Variants in RBFOX1 observed in about 807,000 individuals in gnomAD.
The protein encoded by RBFOX1 is RNA binding fox-1 homolog 1, also known as RNA binding protein fox-1 homolog 1.
Under a neutral mutation model 57.7 loss-of-function variants are expected in RBFOX1, and 8 were observed. The ratio of observed to expected loss-of-function variants is 0.14; its 90% confidence interval spans 0.08 to 0.25. The LOEUF is 0.25. Ranked by LOEUF, RBFOX1 falls within the 10% of genes least tolerant of loss-of-function variation. The probability of loss-of-function intolerance (pLI) is 1.00; values close to 1 mark genes in which losing one functional copy is unlikely to be tolerated. For synonymous variants in RBFOX1, 326 were observed against 222.4 expected, an observed-to-expected ratio of 1.47 and a Z score of -4.15; for missense variants, 611 against 548.5, an observed-to-expected ratio of 1.11 and a Z score of -1.14.
At chr16:6,637,325 AT>A (rs2098449816) in intron 2 of RBFOX1, among the ~76,000 whole-genome samples, 4 of 73,448 alleles carry the variant, frequency 5.4e-5, no homozygotes, top group Admixed American at 2.4e-4. Flanking sequence ...TATTATATAT[AT>A]TATATAATAT....
At chr16:5,626,868 G>T (rs1384340708) in intron 3 of RBFOX1, among the ~76,000 whole-genome samples, 1 of 151,672 alleles carries the variant, frequency 6.6e-6, no homozygotes, top group Non-Finnish European at 1.5e-5. Flanking sequence ...TTTTCTATAA[G>T]AAAGAATTTT....
chr16:7,187,230 A>T (rs1445387022), intron 4 of RBFOX1, among the ~76,000 whole-genome samples: 1 of 152,096 alleles, frequency 6.6e-6, no homozygotes, highest in Admixed American at 6.6e-5. Flanking sequence ...TACTGAAATC[A>T]TATGTAAGAA....
intron 3 of RBFOX1, among the ~76,000 whole-genome samples, chr16:5,625,815 C>A (rs997233147): frequency 7.2e-5 from 11 of 152,150 alleles, no homozygotes; most frequent in Middle Eastern, 3.2e-3. Flanking sequence ...GCCTCAGCCT[C>A]CCAAAGTACT....
At chr16:6,602,531 T>A (rs989716083) in intron 2 of RBFOX1, among the ~76,000 whole-genome samples, 1 of 152,114 alleles carries the variant, frequency 6.6e-6, no homozygotes, top group Non-Finnish European at 1.5e-5. Flanking sequence ...GAGGTCTTGA[T>A]GTTCTTACAG....
intron 2 of RBFOX1, among the ~76,000 whole-genome samples, chr16:5,584,333 G>A (rs966485810): frequency 2.6e-5 from 4 of 152,178 alleles, no homozygotes; most frequent in African/African-American, 9.7e-5. Context: ...GCTGTGTTCA[G>A]CATCTTGAGC....
intron 3 of RBFOX1, among the ~76,000 whole-genome samples, chr16:6,906,508 A>G (rs868254601): frequency 1.3e-5 from 2 of 152,164 alleles, no homozygotes; most frequent in East Asian, 3.8e-4. Flanking sequence ...AAGTGAGTTT[A>G]TATAACCGCA....
intron 4 of RBFOX1, among the ~76,000 whole-genome samples, chr16:5,895,295 C>A (rs1018182565): frequency 6.6e-6 from 1 of 152,138 alleles, no homozygotes; most frequent in African/African-American, 2.4e-5. Flanking sequence ...TTAATACAAG[C>A]TTAGAACTTG....
intron 5 of RBFOX1, among the ~76,000 whole-genome samples, chr16:7,551,088 C>CAAAAAAAAAAAAAAAA: frequency 1.3e-5 from 1 of 76,738 alleles, no homozygotes; most frequent in Non-Finnish European, 2.6e-5. Flanking sequence ...GAGCGAGACT[C>CAAAAAAAAAAAAAAAA]AAAAAAAAAA....
chr16:7,086,723 C>CACACACACACACACACACAG (rs2060045270), intron 4 of RBFOX1, among the ~76,000 whole-genome samples: 2 of 151,630 alleles, frequency 1.3e-5, no homozygotes, highest in South Asian at 2.1e-4. Flanking sequence ...AGAATGTATA[C>CACACACACACACACACACAG]ACACACACAC....
chr16:6,431,430 C>G (rs372159301), intron 2 of RBFOX1, among the ~76,000 whole-genome samples: 1 of 152,016 alleles, frequency 6.6e-6, no homozygotes, highest in East Asian at 1.9e-4. Flanking sequence ...CAGTGACGGT[C>G]CAGCCCACTA....
intron 2 of RBFOX1, among the ~76,000 whole-genome samples, chr16:5,577,125 A>G (rs776223303): frequency 6.6e-6 from 1 of 152,242 alleles, no homozygotes; most frequent in Non-Finnish European, 1.5e-5. Context: ...TTAATGGACT[A>G]TCCCTCGGAG....
intron 3 of RBFOX1, among the ~76,000 whole-genome samples, chr16:6,894,726 G>T (rs947118615): frequency 6.6e-5 from 10 of 152,200 alleles, no homozygotes; most frequent in African/African-American, 2.4e-4. Flanking sequence ...TTGTAAAAAG[G>T]TTACCAACAG....
intron 2 of RBFOX1, among the ~76,000 whole-genome samples, chr16:6,433,886 T>C (rs2094165355): frequency 6.7e-6 from 1 of 150,080 alleles, no homozygotes; most frequent in South Asian, 2.1e-4. Flanking sequence ...CTCACTCTGT[T>C]TCCCATACTG....
At chr16:5,332,508 C>A (rs954484822) in intron 1 of RBFOX1, among the ~76,000 whole-genome samples, 5 of 152,090 alleles carry the variant, frequency 3.3e-5, no homozygotes, top group Non-Finnish European at 7.4e-5. Flanking sequence ...ATGTGATCTG[C>A]CTACCTCGGC....
intron 4 of RBFOX1, among the ~76,000 whole-genome samples, chr16:5,930,326 G>A (rs928814605): frequency 7.2e-6 from 1 of 139,460 alleles, no homozygotes; most frequent in Admixed American, 7.3e-5. Flanking sequence ...TGGATGGATG[G>A]ATGGGAGGTG....
chr16:7,104,847 A>G (rs761791375), intron 4 of RBFOX1, among the ~76,000 whole-genome samples: 19 of 152,104 alleles, frequency 1.2e-4, no homozygotes, highest in Non-Finnish European at 2.5e-4. Flanking sequence ...TCAAGGGAGA[A>G]CTCACTGGTG....
chr16:7,193,642 G>T (rs964103463), intron 4 of RBFOX1, among the ~76,000 whole-genome samples: 1 of 152,172 alleles, frequency 6.6e-6, no homozygotes, highest in African/African-American at 2.4e-5. Context: ...TATAACTGAG[G>T]ATACTGCAAC....
chr16:7,456,298 G>T (rs1202395193), intron 4 of RBFOX1, among the ~76,000 whole-genome samples: 1 of 152,158 alleles, frequency 6.6e-6, no homozygotes, highest in Non-Finnish European at 1.5e-5. Flanking sequence ...GAAGGTACCT[G>T]GTTCATTCTT....
intron 4 of RBFOX1, among the ~76,000 whole-genome samples, chr16:7,213,862 A>T (rs534907377): frequency 2.6e-5 from 4 of 152,182 alleles, no homozygotes; most frequent in South Asian, 4.1e-4. Context: ...GCCCAGCAAT[A>T]GGGGGAACGA....
Sources: gnomAD v4.1 joint callset for allele counts (sites outside exome capture counted in the v4.1 genomes callset) on GRCh38, gnomAD v4.1.1 for gene constraint, MANE v1.5 for transcripts, NCBI Gene and HGNC (gene_info 2026-07-23, HGNC 2026-07-21) for gene names.